TMTC1: variants seen among roughly 807,000 people sequenced by gnomAD.
TMTC1 encodes the protein transmembrane O-mannosyltransferase targeting cadherins 1.
Under a neutral mutation model 104.8 loss-of-function variants are expected in TMTC1, and 73 were observed. The ratio of observed to expected loss-of-function variants is 0.70; its 90% CI spans 0.58 to 0.85. The LOEUF (loss-of-function observed/expected upper bound fraction) is 0.85. TMTC1 is among the 40% of genes least tolerant of loss of function. TMTC1 has a pLI of 0.00. For synonymous variants in TMTC1, 434 were observed against 428.7 expected, an observed-to-expected ratio of 1.01 and a Z score of -0.15; for missense variants, 1,035 against 1,096.1, an observed-to-expected ratio of 0.94 and a Z score of 0.79.
intron 5 of TMTC1, among the ~76,000 whole-genome samples, chr12:29,657,733 A>G (rs1468792224): frequency 6.6e-6 from 1 of 152,256 alleles, no homozygotes; most frequent in Non-Finnish European, 1.5e-5. Flanking sequence ...CATACAAGGC[A>G]AAGAAAGTAG....
intron 6 of TMTC1, among the ~76,000 whole-genome samples, chr12:29,624,402 G>A (rs1305513503): frequency 6.6e-6 from 1 of 152,126 alleles, no homozygotes; most frequent in Admixed American, 6.6e-5. Flanking sequence ...AGGAAAGTAG[G>A]CGAAGGCTTA....
At chr12:29,632,794 A>G (rs1380185278) in intron 6 of TMTC1, among the ~76,000 whole-genome samples, 2 of 152,196 alleles carry the variant, frequency 1.3e-5, no homozygotes, top group Admixed American at 1.3e-4. Flanking sequence ...TACCCCTGGC[A>G]GTCACTCATG....
At chr12:29,729,648 A>G (rs75617979) in intron 5 of TMTC1, among the ~76,000 whole-genome samples, 5,331 of 152,170 alleles carry the variant, frequency 0.035, 184 homozygotes, top group African/African-American at 0.09. Flanking sequence ...TGTGACTTCC[A>G]TGGGGTTACG....
Position 29,656,706 on chromosome 12 carries a change from G to C in TMTC1, c.939-23370C>G, listed in dbSNP as rs552678565. 3.3e-5 allele frequency among the ~76,000 whole-genome samples: 5 copies of C among 152,260 alleles called. No homozygotes were observed. The South Asian group carries it at 1.0e-3, about 32-fold the overall frequency. ...GAACTGCCTGAGTTACAGTCGCTTG[G>C]ATGGACTGATTCACAGACAGAAAGT... On this transcript the variant is annotated intron_variant, in intron 5 of 17. Transcript: ENST00000539277.
At position 29,705,028 on chromosome 12, in the gene TMTC1, G is replaced by A. The variant is rs552940808; in HGVS notation, c.938+46638C>T. ...TTATTCAGGAGGACAAAATGCTGCCGATAAATACCTACAGGTCTACTGATG... is the reference window on the plus strand; with the variant it reads ...TTATTCAGGAGGACAAAATGCTGCCAATAAATACCTACAGGTCTACTGATG... On this transcript the variant is annotated intron_variant, in intron 5 of 17. Coordinates refer to ENST00000539277, the MANE Select transcript of TMTC1 (RefSeq NM_001193451.2). 9.8e-5 allele frequency among the ~76,000 whole-genome samples: 15 copies of A among 152,312 alleles called. No homozygotes were observed. The South Asian group carries it at 2.9e-3, about 29-fold the overall frequency.
rs1018167141 is a variant in TMTC1, at chr12:29,567,969, G to A, written c.1532+4136C>T. The stretch of plus-strand genomic sequence containing the variant: ...TTTCTTTAGACTCTAATGATATGGT[G>A]TCTCTTCAGTACTCAATCCTTTATT... On this transcript the variant is annotated intron_variant, in intron 9 of 17. Transcript: ENST00000539277. Among the ~76,000 whole-genome samples, 7 of 152,276 alleles carry A rather than the reference G, an allele frequency of 4.6e-5. No homozygotes were observed. The East Asian group carries it at 1.4e-3, about 29-fold the overall frequency.
chr12:29,573,511 A>T (rs1213147592), intron 8 of TMTC1, among the ~76,000 whole-genome samples: 1 of 152,158 alleles, frequency 6.6e-6, no homozygotes, highest in Non-Finnish European at 1.5e-5. Context: ...AGGGTGAAGA[A>T]GTAGGAGGAG....
At chr12:29,719,048 GC>G (rs1942162675) in intron 5 of TMTC1, among the ~76,000 whole-genome samples, 1 of 151,588 alleles carries the variant, frequency 6.6e-6, no homozygotes, top group African/African-American at 2.4e-5. Flanking sequence ...CCACATTTTT[GC>G]TTCGAGACTG....
intron 8 of TMTC1, among the ~76,000 whole-genome samples, chr12:29,576,554 C>G (rs1397035666): frequency 6.6e-6 from 1 of 152,116 alleles, no homozygotes; most frequent in East Asian, 1.9e-4. Flanking sequence ...ATGATCTTAC[C>G]TATATGTGAA....
chr12:29,755,674 A>G, intron 4 of TMTC1, 35 bp downstream of exon 4: 3 of 1,591,874 alleles, frequency 1.9e-6, no homozygotes, highest in Non-Finnish European at 2.6e-6. Flanking sequence ...TGCCCATGAC[A>G]TGCCATTTGA....
intron 5 of TMTC1, chr12:29,661,404 G>A: frequency 4.4e-6 from 3 of 675,942 alleles, no homozygotes; most frequent in South Asian, 6.5e-5. Context: ...TGCCAAGGTT[G>A]TAGGAGGTTA....
intron 5 of TMTC1, among the ~76,000 whole-genome samples, chr12:29,672,510 A>C (rs888714009): frequency 5.3e-5 from 8 of 152,142 alleles, no homozygotes; most frequent in African/African-American, 1.9e-4. Context: ...TTATACTGGA[A>C]CATAGGCTGG....
At position 29,522,854 on chromosome 12, in the gene TMTC1, T is replaced by C. The variant is rs190446907; in HGVS notation, c.1786-2134A>G. Among the ~76,000 whole-genome samples the C allele has an allele frequency of 8.9e-4, 135 of 152,286 alleles. 1 individual carries two copies. The highest frequency in any genetic ancestry group is 5.6e-3 in the Admixed American group (86 of 15,290). On this transcript the variant is annotated intron_variant, in intron 11 of 17. Transcript: ENST00000539277. ...TCAGGGACAACAATCATACTTATCT[T>C]ATAGGGTTGTTTTGAGGATTAAATC...
intron 12 of TMTC1, among the ~76,000 whole-genome samples, 197 bp downstream of exon 12, chr12:29,520,421 T>A (rs1375885277): frequency 6.6e-6 from 1 of 152,158 alleles, no homozygotes; most frequent in Admixed American, 6.5e-5. Flanking sequence ...GAAATGAGTA[T>A]GAGAATGGCC....
chr12:29,516,991 G>A (rs952975887), intron 14 of TMTC1, among the ~76,000 whole-genome samples: 41 of 152,106 alleles, frequency 2.7e-4, no homozygotes, highest in African/African-American at 9.9e-4. Context: ...TAGAGATAAA[G>A]GGGAATGATA....
intron 7 of TMTC1, among the ~76,000 whole-genome samples, chr12:29,591,593 C>T (rs1269622208): frequency 1.3e-5 from 2 of 152,152 alleles, no homozygotes; most frequent in Non-Finnish European, 2.9e-5. Flanking sequence ...CTGCTGCCTT[C>T]GAGAATGTAG....
At chr12:29,586,032 T>C (rs1167802816) in intron 7 of TMTC1, among the ~76,000 whole-genome samples, 2 of 152,144 alleles carry the variant, frequency 1.3e-5, no homozygotes, top group Non-Finnish European at 2.9e-5. Context: ...CCTTGGGCAG[T>C]ATGGCCATTT....
At chr12:29,634,201 C>A (rs1339026273) in intron 5 of TMTC1, among the ~76,000 whole-genome samples, 1 of 152,102 alleles carries the variant, frequency 6.6e-6, no homozygotes, top group African/African-American at 2.4e-5. Context: ...ATGCCCCCAA[C>A]CTCCTTTTTT....
chr12:29,629,072 C>G lies in TMTC1; in HGVS notation c.1128+4075G>C, dbSNP rs1256990147. Among the ~76,000 whole-genome samples the G allele has an allele frequency of 2.0e-5, 3 of 151,960 alleles. No individual in the cohort carries two copies. In the East Asian group the frequency reaches 5.9e-4, roughly 30 times the overall value. On this transcript the variant is annotated intron_variant, in intron 6 of 17. Coordinates refer to ENST00000539277, the MANE Select transcript of TMTC1 (RefSeq NM_001193451.2). Reference sequence around the variant, plus strand: ...CGGTGGCTCACATCTGTAATCCCAGCACTGTGGGAGGCCGAGGCAGGTGGA... The same window carrying G: ...CGGTGGCTCACATCTGTAATCCCAGGACTGTGGGAGGCCGAGGCAGGTGGA...
Sources: allele counts gnomAD v4.1 joint callset (sites outside exome capture counted in the v4.1 genomes callset), GRCh38; gene constraint gnomAD v4.1.1; transcripts MANE v1.5; gene names NCBI Gene and HGNC (gene_info 2026-07-23, HGNC 2026-07-21).